SNX9: variants seen among roughly 807,000 people sequenced by gnomAD.
SNX9 encodes sorting nexin 9.
A neutral mutation model predicts 89.4 loss-of-function variants in SNX9; 44 were observed. The observed-to-expected ratio is 0.49, with a 90% confidence interval of 0.39 to 0.63. SNX9 has a LOEUF of 0.63. Among genes scored for constraint, SNX9 ranks in the 30% least tolerant of loss-of-function variants. SNX9 has a pLI of 0.00. For synonymous variants in SNX9, 236 were observed against 247.8 expected (o/e 0.95, Z 0.45); for missense variants, 578 against 736.1 (o/e 0.79, Z 2.49).
chr6:157,857,563 C>T (rs1782036350), intron 1 of SNX9, among the ~76,000 whole-genome samples: 1 of 151,744 alleles, frequency 6.6e-6, no homozygotes, highest in South Asian at 2.1e-4. Context: ...TGTTCTAAAA[C>T]AATAAAATGC....
At chr6:157,830,835 G>C (rs1781465786) in intron 1 of SNX9, among the ~76,000 whole-genome samples, 1 of 152,126 alleles carries the variant, frequency 6.6e-6, no homozygotes, top group Non-Finnish European at 1.5e-5. Flanking sequence ...TGGAACTCTA[G>C]TAACATGAAA....
At chr6:157,865,777 T>G (rs1782249686) in intron 1 of SNX9, among the ~76,000 whole-genome samples, 1 of 152,236 alleles carries the variant, frequency 6.6e-6, no homozygotes, top group South Asian at 2.1e-4. Context: ...TTTATTCTCA[T>G]TAAAATAATT....
At chr6:157,938,297 C>A (rs548842453) in intron 15 of SNX9, among the ~76,000 whole-genome samples, 31 of 152,356 alleles carry the variant, frequency 2.0e-4, no homozygotes, top group Non-Finnish European at 3.7e-4. Context: ...CACATGACTT[C>A]CAAAACCTGC....
At chr6:157,887,808 C>A (rs1385622974) in intron 4 of SNX9, among the ~76,000 whole-genome samples, 1 of 152,168 alleles carries the variant, frequency 6.6e-6, no homozygotes, top group Non-Finnish European at 1.5e-5. Context: ...CCGCTTATTT[C>A]ACAGGAGAGT....
chr6:157,901,268 G>T (rs76468430), intron 5 of SNX9, among the ~76,000 whole-genome samples: 3,951 of 152,182 alleles, frequency 0.026, 123 homozygotes, highest in African/African-American at 0.071. Flanking sequence ...GTTTCAGGGG[G>T]TCTCCCTACA....
At chr6:157,853,810 A>T (rs1235889532) in intron 1 of SNX9, among the ~76,000 whole-genome samples, 2 of 151,662 alleles carry the variant, frequency 1.3e-5, no homozygotes, top group Non-Finnish European at 2.9e-5. Flanking sequence ...AAAACAACAA[A>T]GGTGGTGATA....
At chr6:157,858,161 A>G (rs950079305) in intron 1 of SNX9, among the ~76,000 whole-genome samples, 1 of 152,074 alleles carries the variant, frequency 6.6e-6, no homozygotes, top group African/African-American at 2.4e-5. Flanking sequence ...AGTGCTTTTC[A>G]TGCCTATGTT....
chr6:157,892,674 C>T (rs1434711816), intron 4 of SNX9: 1 of 152,178 alleles, frequency 6.6e-6, no homozygotes, highest in Non-Finnish European at 1.5e-5. Context: ...TTTGAGGACA[C>T]TTGCTATGAA....
rs139400468 is a variant in SNX9, at chr6:157,904,626, G to A, written c.621-1502G>A. ...CTTGGGAGACTGAGGCAGGATAATCGCTTGAACCAGGAGGTGGAGGTTACA... is the reference window on the plus strand; with the variant it reads ...CTTGGGAGACTGAGGCAGGATAATCACTTGAACCAGGAGGTGGAGGTTACA... On this transcript the variant is annotated intron_variant, in intron 6 of 17. Coordinates refer to ENST00000392185, the MANE Select transcript of SNX9 (RefSeq NM_016224.5). Among the ~76,000 whole-genome samples, 681 of 151,998 alleles carry A rather than the reference G, an allele frequency of 4.5e-3. 5 individuals are homozygous for A. Among genetic ancestry groups the A allele is most frequent in the African/African-American group, 0.015 (606 of 41,426 alleles).
chr6:157,836,597 C>CTT (rs781102121), intron 1 of SNX9, among the ~76,000 whole-genome samples: 1 of 144,056 alleles, frequency 6.9e-6, no homozygotes, highest in African/African-American at 2.5e-5. Context: ...TCTTTTCTTT[C>CTT]TTTTTTTTTT....
chr6:157,834,173 T>G (rs969460042), intron 1 of SNX9, among the ~76,000 whole-genome samples: 2,046 of 123,144 alleles, frequency 0.017, 121 homozygotes, highest in African/African-American at 0.061. Flanking sequence ...TTTTTTTTTT[T>G]TTTTTTTTTT....
At position 157,823,974 on chromosome 6, in the gene SNX9, G is replaced by T. The variant is rs531382779; in HGVS notation, c.12+528G>T. Among the ~76,000 whole-genome samples, 105 of 152,320 alleles carry T rather than the reference G, an allele frequency of 6.9e-4. 1 individual carries two copies. The highest frequency in any genetic ancestry group is 2.3e-3 in the African/African-American group (95 of 41,578). On this transcript the variant is annotated intron_variant, in intron 1 of 17. Transcript: ENST00000392185. The surrounding 1 kb of genome is among the most constrained non-coding windows in gnomAD (Gnocchi z 4.6). ...GGCTCGCGGCCGGGGAGGGACCGAG[G>T]CTGGGACGCCCCGCGCCCCTTTGCC...
chr6:157,870,691 CAG>C (rs1782386306), intron 2 of SNX9, among the ~76,000 whole-genome samples: 1 of 150,372 alleles, frequency 6.7e-6, no homozygotes, highest in Non-Finnish European at 1.5e-5. Context: ...ATACACCCTG[CAG>C]ATAGTCTCAC....
Position 157,823,763 on chromosome 6 carries a change from C to A in SNX9, c.12+317C>A, listed in dbSNP as rs1321419677. Among the ~76,000 whole-genome samples the A allele has an allele frequency of 6.6e-6, 1 of 151,946 alleles. No homozygotes were observed. The highest frequency in any genetic ancestry group is 6.6e-5 in the Admixed American group (1 of 15,264). On this transcript the variant is annotated intron_variant, in intron 1 of 17. Transcript: ENST00000392185. The surrounding 1 kb of genome is among the most constrained non-coding windows in gnomAD (Gnocchi z 4.6). ...CTGCGGCGGGCTCGCCGGGAGGGGCCGCGGGACGGAAACTTCCCGCAGCCC... is the reference window on the plus strand; with the variant it reads ...CTGCGGCGGGCTCGCCGGGAGGGGCAGCGGGACGGAAACTTCCCGCAGCCC...
intron 4 of SNX9, among the ~76,000 whole-genome samples, chr6:157,877,914 G>A (rs996737386): frequency 1.3e-5 from 2 of 152,118 alleles, no homozygotes; most frequent in African/African-American, 4.8e-5. Context: ...CCTGAGTGTC[G>A]TATTTTTCTT....
chr6:157,921,512 C>G lies in SNX9; in HGVS notation c.950-19C>G. On this transcript the variant is annotated intron_variant, in intron 9 of 17. Coordinates refer to ENST00000392185, the MANE Select transcript of SNX9 (RefSeq NM_016224.5). ...ATTTTAGACAAAGTTGTATGTCATT[C>G]TTGGTGTGTCGCTTGCAGGCCGCTT... The G allele has an allele frequency of 6.2e-7, 1 of 1,609,644 alleles. No individual in the cohort carries two copies. Among genetic ancestry groups the G allele is most frequent in the Non-Finnish European group, 8.5e-7 (1 of 1,177,598 alleles).
intron 1 of SNX9, among the ~76,000 whole-genome samples, chr6:157,864,185 G>C (rs1331950101): frequency 6.6e-6 from 1 of 152,156 alleles, no homozygotes; most frequent in African/African-American, 2.4e-5. Context: ...CCCTCCTCCA[G>C]GGGTAAGGGT....
In SNX9 at chr6:157,942,961, C is replaced by A; in HGVS notation, c.*123C>A. On this transcript the variant is annotated 3_prime_UTR_variant, in exon 18 of 18. Transcript: ENST00000392185. ...AAACAAAACCAAAAAGAAAGAGTTG[C>A]AAAAAACTGCATTTATTTTATTAGC... 2 of 967,702 alleles carry A rather than the reference C, an allele frequency of 2.1e-6. No homozygotes were observed. The highest frequency in any genetic ancestry group is 3.0e-6 in the Non-Finnish European group (2 of 659,658). The allele number at this position is 967,702 out of a possible 1,614,324, so 59.9% of individuals were successfully genotyped here.
chr6:157,886,239 A>G (rs1264211753), intron 4 of SNX9, among the ~76,000 whole-genome samples: 1 of 152,074 alleles, frequency 6.6e-6, no homozygotes, highest in Non-Finnish European at 1.5e-5. Context: ...GTAGGGGTTT[A>G]TTTCTTACTG....
Sources: gnomAD v4.1 joint callset for allele counts (sites outside exome capture counted in the v4.1 genomes callset) on GRCh38, gnomAD v4.1.1 for gene constraint, Gnocchi (gnomAD v3.1) non-coding constraint, MANE v1.5 for transcripts, NCBI Gene and HGNC (gene_info 2026-07-23, HGNC 2026-07-21) for gene names.